PDE10A: variants seen among roughly 807,000 people sequenced by gnomAD.
The protein encoded by PDE10A is phosphodiesterase 10A, also known as cAMP and cAMP-inhibited cGMP 3',5'-cyclic phosphodiesterase 10A.
In PDE10A, 39 loss-of-function variants were observed where a neutral mutation model predicts 97.7. The observed-to-expected ratio is 0.40, with a 90% confidence interval of 0.31 to 0.52. PDE10A has a LOEUF of 0.52. PDE10A is among the 20% of genes least tolerant of loss of function. PDE10A has a pLI of 0.56. For synonymous variants in PDE10A, 371 were observed against 376.8 expected, an observed-to-expected ratio of 0.98 and a Z score of 0.18; for missense variants, 731 against 1,047.8, an observed-to-expected ratio of 0.70 and a Z score of 4.17.
intron 1 of PDE10A, among the ~76,000 whole-genome samples, chr6:165,556,122 G>A (rs1216674687): frequency 2.0e-5 from 3 of 152,140 alleles, no homozygotes; most frequent in African/African-American, 7.2e-5. Flanking sequence ...AGGCTTTTCT[G>A]TCAACATTCA....
chr6:165,918,473 C>T (rs554096105), intron 1 of PDE10A, among the ~76,000 whole-genome samples: 123 of 152,302 alleles, frequency 8.1e-4, no homozygotes, highest in Non-Finnish European at 1.5e-3. Context: ...TAAAGTTGTG[C>T]CGGAAATCCT....
chr6:165,637,909 T>C (rs1788955918), intron 1 of PDE10A, among the ~76,000 whole-genome samples: 1 of 152,254 alleles, frequency 6.6e-6, no homozygotes, highest in South Asian at 2.1e-4. Context: ...ATATGCCTTG[T>C]CTTTATCTCT....
At chr6:165,690,700 C>T (rs984807150) in intron 1 of PDE10A, among the ~76,000 whole-genome samples, 2 of 152,218 alleles carry the variant, frequency 1.3e-5, no homozygotes, top group Non-Finnish European at 2.9e-5. Flanking sequence ...GTACTTCTTG[C>T]CTCCAAGGCA....
chr6:165,693,289 G>A (rs1791353066), intron 1 of PDE10A, among the ~76,000 whole-genome samples: 1 of 152,074 alleles, frequency 6.6e-6, no homozygotes, highest in African/African-American at 2.4e-5. Flanking sequence ...CCAGCACTTT[G>A]GGAGGCCTAG....
chr6:165,833,947 G>A (rs1265137595), intron 1 of PDE10A, among the ~76,000 whole-genome samples: 2 of 152,210 alleles, frequency 1.3e-5, no homozygotes, highest in Non-Finnish European at 2.9e-5. Context: ...ACAGCAGTCT[G>A]CCTAGAACAC....
chr6:165,673,763 C>A (rs555134127), intron 1 of PDE10A, among the ~76,000 whole-genome samples: 4 of 152,108 alleles, frequency 2.6e-5, no homozygotes, highest in Non-Finnish European at 5.9e-5. Flanking sequence ...CTGAGTTGAG[C>A]TTTTGGGGAT....
intron 16 of PDE10A, among the ~76,000 whole-genome samples, 164 bp downstream of exon 16, chr6:165,392,482 A>G (rs1208304938): frequency 6.6e-6 from 1 of 152,204 alleles, no homozygotes; most frequent in Non-Finnish European, 1.5e-5. Context: ...ATAATATGCT[A>G]AATGTTTGGG....
At chr6:165,549,250 C>T (rs368866854) in intron 1 of PDE10A, among the ~76,000 whole-genome samples, 18 of 152,186 alleles carry the variant, frequency 1.2e-4, no homozygotes, top group African/African-American at 4.1e-4. Flanking sequence ...TATCACACAA[C>T]AAACATATAA....
chr6:165,342,458 T>C (rs1034846897), intron 19 of PDE10A, among the ~76,000 whole-genome samples: 42 of 152,168 alleles, frequency 2.8e-4, no homozygotes, highest in African/African-American at 9.2e-4. Context: ...ATGCCGGGAG[T>C]ATAATCAACT....
At chr6:165,888,278 T>C (rs1781684276) in intron 1 of PDE10A, among the ~76,000 whole-genome samples, 1 of 148,636 alleles carries the variant, frequency 6.7e-6, no homozygotes, top group African/African-American at 2.6e-5. Flanking sequence ...TTACCTATGC[T>C]TGCTTTTCTT....
In PDE10A at chr6:165,413,575, C is replaced by T; in HGVS notation, c.2002G>A (p.Ala668Thr). Reference protein sequence around the residue: ...VQMVNKISGSAFSKTDENNFK... With the variant: ...VQMVNKISGSTFSKTDENNFK... Reference sequence around the variant, plus strand: ...TTGTTTTCATCTGTTTTAGAGAAGGCACTGCCACTGATTTTGTTGACCATC... The same window carrying T: ...TTGTTTTCATCTGTTTTAGAGAAGGTACTGCCACTGATTTTGTTGACCATC... The change falls in exon 13 of 22, where the codon GCC becomes ACC. Residue 668 changes from alanine to threonine, a missense_variant. Coordinates refer to ENST00000539869, the MANE Select transcript of PDE10A (RefSeq NM_001385079.1). 6.2e-7 allele frequency: 1 copy of T among 1,614,120 alleles called. No individual in the cohort carries two copies. Among genetic ancestry groups the T allele is most frequent in the Non-Finnish European group, 8.5e-7 (1 of 1,179,970 alleles).
At chr6:165,717,561 G>A (rs750448294) in intron 1 of PDE10A, among the ~76,000 whole-genome samples, 4 of 148,110 alleles carry the variant, frequency 2.7e-5, no homozygotes, top group Non-Finnish European at 5.9e-5. Flanking sequence ...TCCAGCCTGG[G>A]CTACAGAGAG....
chr6:165,655,939 T>C lies in PDE10A; in HGVS notation c.865+6008A>G, dbSNP rs537027973. On this transcript the variant is annotated intron_variant, in intron 1 of 21. Coordinates refer to ENST00000539869, the MANE Select transcript of PDE10A (RefSeq NM_001385079.1). The surrounding 1 kb of genome is among the most constrained non-coding windows in gnomAD (Gnocchi z 4.5). ...AGATAACTGCATGGCCGATGACACCTTGTCACTCAGAGGCCATTTCTACTG... is the reference window on the plus strand; with the variant it reads ...AGATAACTGCATGGCCGATGACACCCTGTCACTCAGAGGCCATTTCTACTG... 6.6e-6 allele frequency among the ~76,000 whole-genome samples: 1 copy of C among 152,120 alleles called. No homozygotes were observed. The highest frequency in any genetic ancestry group is 2.4e-5 in the African/African-American group (1 of 41,496).
chr6:165,743,240 C>A (rs1259296588), intron 1 of PDE10A, among the ~76,000 whole-genome samples: 5 of 152,194 alleles, frequency 3.3e-5, no homozygotes, highest in African/African-American at 1.2e-4. Context: ...TAAAACCTTT[C>A]TATTTGGGAA....
At chr6:165,794,641 ACT>A (rs935532431) in intron 1 of PDE10A, among the ~76,000 whole-genome samples, 5 of 152,050 alleles carry the variant, frequency 3.3e-5, no homozygotes, top group East Asian at 1.9e-4. Context: ...CACAACCCAC[ACT>A]CTCACACACA....
intron 1 of PDE10A, among the ~76,000 whole-genome samples, chr6:165,688,584 G>T (rs9348033): frequency 0.048 from 7,370 of 152,246 alleles, 440 homozygotes; most frequent in African/African-American, 0.13. Context: ...AACTGTTGGT[G>T]TGATGGGCAG....
intron 1 of PDE10A, among the ~76,000 whole-genome samples, chr6:165,653,834 G>T (rs1303681264): frequency 6.6e-6 from 1 of 151,968 alleles, no homozygotes; most frequent in African/African-American, 2.4e-5. Flanking sequence ...TGGACTCAGT[G>T]CGTAAGGAAG....
chr6:165,788,550 G>GA (rs1778561254), intron 1 of PDE10A, among the ~76,000 whole-genome samples: 1 of 118,332 alleles, frequency 8.5e-6, no homozygotes. Context: ...GAAAAGAAAA[G>GA]AAAAAGAAAA....
intron 18 of PDE10A, among the ~76,000 whole-genome samples, chr6:165,378,795 AGCTT>A (rs1784767279): frequency 6.6e-6 from 1 of 152,232 alleles, no homozygotes; most frequent in African/African-American, 2.4e-5. Flanking sequence ...CAATCACATT[AGCTT>A]GCTTAATAGG....
Sources: allele counts gnomAD v4.1 joint callset (sites outside exome capture counted in the v4.1 genomes callset), GRCh38; gene constraint gnomAD v4.1.1; non-coding constraint Gnocchi (gnomAD v3.1); transcripts MANE v1.5; gene names NCBI Gene and HGNC (gene_info 2026-07-23, HGNC 2026-07-21).